The following ATP11B variants were observed in gnomAD, a reference collection of about 807,000 sequenced individuals.
ATP11B encodes the protein phospholipid-transporting ATPase IF.
ATP11B carries 81 observed loss-of-function variants against 157.8 expected under a neutral mutation model. The ratio of observed to expected loss-of-function variants is 0.51; its 90% confidence interval spans 0.43 to 0.62. The LOEUF (loss-of-function observed/expected upper bound fraction) is 0.62, where lower values mean the gene tolerates loss of function less well. Ranked by LOEUF, ATP11B falls within the 20% of genes least tolerant of loss-of-function variation. The probability of loss-of-function intolerance (pLI) is 0.00; values close to 1 mark genes in which losing one functional copy is unlikely to be tolerated. For missense variants in ATP11B, 1,165 were observed against 1,402.2 expected, an observed-to-expected ratio of 0.83 and a Z score of 2.70; for synonymous variants, 451 against 469.4, an observed-to-expected ratio of 0.96 and a Z score of 0.51.
In ATP11B at chr3:182,845,474, A is replaced by G; in HGVS notation, c.721A>G (p.Ser241Gly). The change falls in exon 9 of 30, where the codon AGT becomes GGT. Residue 241 changes from serine (S) to glycine (G), a missense_variant. Transcript: ENST00000323116. ...TTTTCCTAGACCTCTGGGGCCGGAG[A>G]GTCTCCTGCTTCGTGGAGCCAGATT... ...EEIVRPLGPESLLLRGARLKN... is the reference protein window; with the variant it reads ...EEIVRPLGPEGLLLRGARLKN... The G allele has an allele frequency of 1.9e-6, 3 of 1,599,896 alleles. No individual in the cohort carries two copies. The highest frequency in any genetic ancestry group is 2.5e-6 in the Non-Finnish European group (3 of 1,176,896).
intron 7 of ATP11B, among the ~76,000 whole-genome samples, chr3:182,839,534 A>G (rs920495122): frequency 6.6e-6 from 1 of 152,126 alleles, no homozygotes; most frequent in South Asian, 2.1e-4. Context: ...GTAGATCAAA[A>G]TTTAGTAATA....
chr3:182,864,447 G>A (rs1721080028), intron 12 of ATP11B, among the ~76,000 whole-genome samples: 1 of 151,960 alleles, frequency 6.6e-6, no homozygotes, highest in South Asian at 2.1e-4. Context: ...TTTGTTGAAC[G>A]CCTTTATCAT....
chr3:182,853,107 G>T (rs1720104016), intron 10 of ATP11B, among the ~76,000 whole-genome samples: 1 of 152,102 alleles, frequency 6.6e-6, no homozygotes, highest in South Asian at 2.1e-4. Flanking sequence ...TTGTCCTACT[G>T]GAAGACACAT....
intron 1 of ATP11B, among the ~76,000 whole-genome samples, chr3:182,816,283 C>T (rs944040283): frequency 1.3e-5 from 2 of 152,174 alleles, no homozygotes; most frequent in African/African-American, 2.4e-5. Context: ...GCTGGAATAG[C>T]ATTGATCTAT....
intron 8 of ATP11B, among the ~76,000 whole-genome samples, chr3:182,843,094 AT>A (rs1719181235): frequency 6.6e-6 from 1 of 152,198 alleles, no homozygotes; most frequent in Non-Finnish European, 1.5e-5. Flanking sequence ...CAAGGTGTTA[AT>A]GTAATGTTAG....
chr3:182,865,610 A>G lies in ATP11B; in HGVS notation c.1355A>G (p.Tyr452Cys), dbSNP rs772708150. 2 of 1,613,774 alleles carry G rather than the reference A, an allele frequency of 1.2e-6. No individual in the cohort carries two copies. The highest frequency in any genetic ancestry group is 8.5e-7 in the Non-Finnish European group (1 of 1,179,748). ...TPDSSEGNLS[Y>C]LSSLSHLNNL... ...GACTCTTCAGAAGGAAACTTATCTT[A>G]TCTTAGTAGTTTATCCCATCTTAAC... The change falls in exon 13 of 30, where the codon TAT (tyrosine) becomes TGT (cysteine). Residue 452 changes from tyrosine to cysteine, a missense_variant. By Grantham distance (194) the Tyr-to-Cys change is radical. This residue lies in a region of ATP11B where 737 missense variants were observed against 930.5 expected (regional missense o/e 0.79). Transcript: ENST00000323116.
At chr3:182,824,148 A>G (rs1717565403) in intron 2 of ATP11B, among the ~76,000 whole-genome samples, 1 of 152,152 alleles carries the variant, frequency 6.6e-6, no homozygotes, top group Non-Finnish European at 1.5e-5. Context: ...TTGTTGTTGC[A>G]AGTATTAGTA....
chr3:182,839,921 C>G (rs1577000906), intron 7 of ATP11B, among the ~76,000 whole-genome samples: 1 of 152,094 alleles, frequency 6.6e-6, no homozygotes, highest in East Asian at 1.9e-4. Context: ...CCTAATATTT[C>G]TTTTAAGAAT....
At chr3:182,866,494 G>T in intron 14 of ATP11B, 51 bp downstream of exon 14, 13 of 1,406,914 alleles carry the variant, frequency 9.2e-6, no homozygotes, top group Non-Finnish European at 1.2e-5. Flanking sequence ...TTAAATAAAT[G>T]TAACAATATT....
At chr3:182,828,277 A>G (rs1326706941) in intron 3 of ATP11B, 68 bp downstream of exon 3, 25 of 761,322 alleles carry the variant, frequency 3.3e-5, no homozygotes, top group Middle Eastern at 5.0e-4. Flanking sequence ...GAACAAAGAA[A>G]AATTACATTG....
At chr3:182,813,245 G>T (rs1716777734) in intron 1 of ATP11B, among the ~76,000 whole-genome samples, 1 of 152,118 alleles carries the variant, frequency 6.6e-6, no homozygotes, top group South Asian at 2.1e-4. Context: ...AAGTAGAATT[G>T]CTGGATCTTA....
intron 7 of ATP11B, 83 bp from the exon 8 acceptor site, chr3:182,841,992 A>AC (rs1553802934): frequency 1.8e-5 from 16 of 904,404 alleles, no homozygotes; most frequent in Admixed American, 4.9e-5. Context: ...AAAAAAAAAA[A>AC]AAAAACAAAG....
At position 182,921,461 on chromosome 3, in the gene ATP11B, G is replaced by T. The variant is rs1324388829; in HGVS notation, c.*3357G>T. On this transcript the variant is annotated 3_prime_UTR_variant, in exon 30 of 30. Coordinates refer to ENST00000323116, the MANE Select transcript of ATP11B (RefSeq NM_014616.3). ...TGAGGAATGAGTATCTGGAAATATT[G>T]TAGCAATACTTGGTTTAAAATTTTG... The T allele has an allele frequency of 1.3e-5, 2 of 152,086 alleles. No homozygotes were observed. Among genetic ancestry groups the T allele is most frequent in the Non-Finnish European group, 2.9e-5 (2 of 68,018 alleles). The allele number at this position is 152,086 out of a possible 1,614,324, so 9.4% of individuals were successfully genotyped here.
chr3:182,834,746 A>G (rs1363889092), intron 4 of ATP11B, among the ~76,000 whole-genome samples: 6 of 152,222 alleles, frequency 3.9e-5, no homozygotes, highest in African/African-American at 1.4e-4. Context: ...GATGATCCAT[A>G]CAGGCTAACA....
At position 182,793,708 on chromosome 3, in the gene ATP11B, G is replaced by A; in HGVS notation, c.-52G>A. 1 of 1,337,874 alleles carries A rather than the reference G, an allele frequency of 7.5e-7. No individual in the cohort carries two copies. The highest frequency in any genetic ancestry group is 9.9e-7 in the Non-Finnish European group (1 of 1,013,566). The allele number at this position is 1,337,874 out of a possible 1,614,324, so 82.9% of individuals were successfully genotyped here. A position where few individuals can be genotyped will look rare whatever the true frequency, so the allele number is the denominator to read the frequency against. On this transcript the variant is annotated 5_prime_UTR_variant, in exon 1 of 30. Transcript: ENST00000323116. Reference sequence around the variant, plus strand: ...GCCTCTGTCTTGTCGGCCTCCACCTGCAGCCCCGCGGCCCCCGCGCCCCGC... The same window carrying A: ...GCCTCTGTCTTGTCGGCCTCCACCTACAGCCCCGCGGCCCCCGCGCCCCGC...
chr3:182,848,338 TGAAAATACTTAAA>T, intron 9 of ATP11B, 125 bp from the exon 10 acceptor site: 1 of 422,374 alleles, frequency 2.4e-6, no homozygotes, highest in Non-Finnish European at 4.0e-6. Flanking sequence ...TTTAGTACTC[TGAAAATACTTAAA>T]GAAAAGCAAA....
intron 1 of ATP11B, among the ~76,000 whole-genome samples, chr3:182,799,006 A>G (rs1463258820): frequency 6.6e-6 from 1 of 152,248 alleles, no homozygotes; most frequent in East Asian, 1.9e-4. Flanking sequence ...TGGTAACAAT[A>G]TATAATGCCT....
At position 182,865,339 on chromosome 3, in the gene ATP11B, A is replaced by G. The variant is rs569049048; in HGVS notation, c.1201-117A>G. ...GGATTATAAGAATCTCAGCATCCAT[A>G]TATCAATATTAATAGATAAACTGGA... On this transcript the variant is annotated intron_variant, in intron 12 of 29. Transcript: ENST00000323116. 1.4e-3 allele frequency: 1,213 copies of G among 893,706 alleles called. 2 individuals carry two copies. Among genetic ancestry groups the G allele is most frequent in the Non-Finnish European group, 1.9e-3 (1,116 of 590,866 alleles). 55.4% of individuals were successfully genotyped at this position (893,706 alleles called of 1,614,324 possible).
At chr3:182,907,143 C>T (rs1048104228) in intron 28 of ATP11B, among the ~76,000 whole-genome samples, 2 of 151,860 alleles carry the variant, frequency 1.3e-5, no homozygotes, top group African/African-American at 4.8e-5. Flanking sequence ...TTGATTTTCT[C>T]TTCTCTCGAG....
Sources: gnomAD v4.1 joint callset for allele counts (sites outside exome capture counted in the v4.1 genomes callset) on GRCh38, gnomAD v4.1.1 for gene constraint, gnomAD v4.1.1 regional missense constraint, MANE v1.5 for transcripts, NCBI Gene and HGNC (gene_info 2026-07-23, HGNC 2026-07-21) for gene names.